VIPR2: variants seen among roughly 807,000 people sequenced by gnomAD.
The protein encoded by VIPR2 is vasoactive intestinal polypeptide receptor 2.
VIPR2 carries 48 observed loss-of-function variants against 58.0 expected under a neutral mutation model. The ratio of observed to expected loss-of-function variants is 0.83; its 90% confidence interval spans 0.66 to 1.05. The LOEUF is 1.05. VIPR2 is among the 50% of genes least tolerant of loss of function. The pLI is 0.00. For missense variants in VIPR2, 534 were observed against 558.0 expected (o/e 0.96, Z 0.43); for synonymous variants, 243 against 235.2 (o/e 1.03, Z -0.30).
intron 5 of VIPR2, among the ~76,000 whole-genome samples, chr7:159,051,391 A>G (rs1282716162): frequency 6.6e-6 from 1 of 152,210 alleles, no homozygotes; most frequent in East Asian, 1.9e-4. Flanking sequence ...ATCTGGGGTG[A>G]CAACTAGAAG....
chr7:159,101,230 T>C (rs559284456), intron 4 of VIPR2, among the ~76,000 whole-genome samples: 7 of 145,676 alleles, frequency 4.8e-5, no homozygotes, highest in African/African-American at 1.0e-4. Flanking sequence ...TTCCCCCGAC[T>C]GTTCCTGTGA....
At chr7:159,091,651 G>T (rs1026306740) in intron 4 of VIPR2, among the ~76,000 whole-genome samples, 3 of 152,280 alleles carry the variant, frequency 2.0e-5, no homozygotes, top group East Asian at 3.9e-4. Context: ...GGGGAACGAG[G>T]GGCCATGAGA....
chr7:159,110,981 TATTACATTAATGTTA>T (rs1352306109), intron 2 of VIPR2, among the ~76,000 whole-genome samples: 1 of 152,260 alleles, frequency 6.6e-6, no homozygotes, highest in Non-Finnish European at 1.5e-5. Context: ...CATAAATTCA[TATTACATTAATGTTA>T]ACATATTTAA....
At chr7:159,134,007 G>C (rs1419139078) in intron 2 of VIPR2, among the ~76,000 whole-genome samples, 1 of 152,154 alleles carries the variant, frequency 6.6e-6, no homozygotes, top group Non-Finnish European at 1.5e-5. Flanking sequence ...TTTAAAAACA[G>C]TTTCCAAAAT....
intron 2 of VIPR2, among the ~76,000 whole-genome samples, chr7:159,132,618 C>T (rs1325488128): frequency 6.6e-6 from 1 of 152,252 alleles, no homozygotes; most frequent in Non-Finnish European, 1.5e-5. Context: ...GAAATGGGTG[C>T]AGCTCAGGGG....
At chr7:159,047,778 A>C (rs1854746045) in intron 5 of VIPR2, among the ~76,000 whole-genome samples, 1 of 152,238 alleles carries the variant, frequency 6.6e-6, no homozygotes, top group African/African-American at 2.4e-5. Context: ...AATGAACTTA[A>C]TGATCTAGTG....
At position 159,097,116 on chromosome 7, in the gene VIPR2, G is replaced by A; in HGVS notation, c.357+6641C>T. 1 of 1,488,098 alleles carries A rather than the reference G, an allele frequency of 6.7e-7. No homozygotes were observed. Among genetic ancestry groups the A allele is most frequent in the Non-Finnish European group, 9.0e-7 (1 of 1,111,282 alleles). 92.2% of individuals were successfully genotyped at this position (1,488,098 alleles called of 1,614,324 possible). A position where few individuals can be genotyped will look rare whatever the true frequency, so the allele number is the denominator to read the frequency against. Reference sequence around the variant, plus strand: ...AGGGTTGCAGGAGGGTTGGCGGGATGATCAGATGGTGCCTCCCACAAAGGC... The same window carrying A: ...AGGGTTGCAGGAGGGTTGGCGGGATAATCAGATGGTGCCTCCCACAAAGGC... On this transcript the variant is annotated intron_variant, in intron 4 of 12. Coordinates refer to ENST00000262178, the MANE Select transcript of VIPR2 (RefSeq NM_003382.5). This position sits in a 1 kb window ranked among gnomAD's most constrained non-coding sequence, Gnocchi z 5.3.
In VIPR2 at chr7:159,030,515, G is replaced by T; in HGVS notation, c.*101C>A. ...GAGTCAGGACCGCGCTGACCTGCCC[G>T]ACACGGTGCTCGGGCATCTGGAAGG... On this transcript the variant is annotated 3_prime_UTR_variant, in exon 13 of 13. Transcript: ENST00000262178. The T allele has an allele frequency of 7.1e-7, 1 of 1,413,198 alleles. No homozygotes were observed. The highest frequency in any genetic ancestry group is 9.3e-7 in the Non-Finnish European group (1 of 1,071,130). The allele number at this position is 1,413,198 out of a possible 1,614,324, so 87.5% of individuals were successfully genotyped here.
intron 4 of VIPR2, among the ~76,000 whole-genome samples, chr7:159,094,641 C>T (rs115416397): frequency 0.011 from 1,674 of 152,290 alleles, 26 homozygotes; most frequent in African/African-American, 0.027. Flanking sequence ...GGGTGGCATC[C>T]GGCTCTGGTG....
chr7:159,142,331 C>A, intron 2 of VIPR2, 115 bp downstream of exon 2: 1 of 746,468 alleles, frequency 1.3e-6, no homozygotes, highest in Non-Finnish European at 2.2e-6. Flanking sequence ...AGTGGCCTTT[C>A]TTTTTCTTTT....
chr7:159,116,638 C>G (rs1017228261), intron 2 of VIPR2, among the ~76,000 whole-genome samples: 1 of 152,290 alleles, frequency 6.6e-6, no homozygotes. Context: ...TGCAGCCTTC[C>G]GACATTTCTG....
At chr7:159,050,053 C>T (rs535159493) in intron 5 of VIPR2, among the ~76,000 whole-genome samples, 1 of 152,278 alleles carries the variant, frequency 6.6e-6, no homozygotes, top group East Asian at 1.9e-4. Context: ...AGAAAAAACA[C>T]TGGCCAGGCA....
chr7:159,071,999 C>T (rs142667468), intron 4 of VIPR2, among the ~76,000 whole-genome samples: 1,411 of 141,072 alleles, frequency 0.01, 21 homozygotes, highest in African/African-American at 0.035. Flanking sequence ...GATGAAGGCA[C>T]GATGGTACCG....
chr7:159,135,151 A>T (rs2129497860), intron 2 of VIPR2, among the ~76,000 whole-genome samples: 1 of 152,198 alleles, frequency 6.6e-6, no homozygotes, highest in South Asian at 2.1e-4. Flanking sequence ...AACATTAAAA[A>T]AGGGCCGGCT....
In VIPR2 at chr7:159,096,672, T is replaced by TGCA. The variant is rs1310214267; in HGVS notation, c.357+7082_357+7084dup. Among the ~76,000 whole-genome samples the TGCA allele has an allele frequency of 6.6e-6, 1 of 152,214 alleles. No individual in the cohort carries two copies. The highest frequency in any genetic ancestry group is 2.4e-5 in the African/African-American group (1 of 41,464). ...TATTTGGAAAGTATTAAGCATCACA[T>TGCA]GCACAGGTTAAAACTAAACAGCAGA... On this transcript the variant is annotated intron_variant, in intron 4 of 12. Coordinates refer to ENST00000262178, the MANE Select transcript of VIPR2 (RefSeq NM_003382.5). This position sits in a 1 kb window ranked among gnomAD's most constrained non-coding sequence, Gnocchi z 5.5.
At chr7:159,132,107 T>C (rs879846332) in intron 2 of VIPR2, among the ~76,000 whole-genome samples, 97 of 150,726 alleles carry the variant, frequency 6.4e-4, no homozygotes, top group Non-Finnish European at 1.2e-3. Context: ...CCACCTCTGG[T>C]TTGGAGCTGC....
chr7:159,123,998 G>GT (rs1796566480), intron 2 of VIPR2, among the ~76,000 whole-genome samples: 1 of 152,074 alleles, frequency 6.6e-6, no homozygotes, highest in Non-Finnish European at 1.5e-5. Context: ...TTAATAGGTT[G>GT]TTTTTCTCTT....
At chr7:159,034,756 G>T in intron 8 of VIPR2, 106 bp from the exon 9 acceptor site, 1 of 850,286 alleles carries the variant, frequency 1.2e-6, no homozygotes, top group Non-Finnish European at 2.0e-6. Context: ...CCCTCACCGT[G>T]GAAGCACAAT....
At chr7:159,133,172 C>A (rs1797050616) in intron 2 of VIPR2, among the ~76,000 whole-genome samples, 4 of 152,312 alleles carry the variant, frequency 2.6e-5, no homozygotes, top group Admixed American at 1.3e-4. Context: ...GCATCTGCAA[C>A]AACTAACTCA....
Sources: gnomAD v4.1 joint callset for allele counts (sites outside exome capture counted in the v4.1 genomes callset) on GRCh38, gnomAD v4.1.1 for gene constraint, Gnocchi (gnomAD v3.1) non-coding constraint, MANE v1.5 for transcripts, NCBI Gene and HGNC (gene_info 2026-07-23, HGNC 2026-07-21) for gene names.